Variants in BTG4 observed in about 807,000 individuals in gnomAD.
The protein encoded by BTG4 is protein BTG4.
In BTG4, 10 loss-of-function variants were observed where a neutral mutation model predicts 19.3. The ratio of observed to expected loss-of-function variants is 0.52; its 90% CI spans 0.32 to 0.88. BTG4 has a LOEUF of 0.88. BTG4 is among the 40% of genes least tolerant of loss of function. BTG4 has a pLI of 0.04. For missense variants in BTG4, 238 were observed against 281.9 expected (o/e 0.84, Z 1.11); for synonymous variants, 91 against 95.7 (o/e 0.95, Z 0.29).
the BTG4 span, among the ~76,000 whole-genome samples, chr11:111,395,843 C>G: frequency 6.6e-6 from 1 of 152,204 alleles, no homozygotes; most frequent in East Asian, 1.9e-4. Flanking sequence ...TTTGAACTTA[C>G]CCTGCAGACA....
chr11:111,452,901 C>T, the BTG4 span, among the ~76,000 whole-genome samples: 1 of 152,174 alleles, frequency 6.6e-6, no homozygotes, highest in South Asian at 2.1e-4. Context: ...ATAATGTGGT[C>T]CCTGTACTAC....
intron 4 of BTG4, 174 bp downstream of exon 4, chr11:111,497,037 A>C: frequency 1.8e-6 from 1 of 544,126 alleles, no homozygotes; most frequent in Non-Finnish European, 3.2e-6. Context: ...TAGGGAATAC[A>C]TTGTGCAGTG....
chr11:111,391,729 T>C, the BTG4 span, among the ~76,000 whole-genome samples: 1 of 152,160 alleles, frequency 6.6e-6, no homozygotes, highest in African/African-American at 2.4e-5. Context: ...TAGGGAGCCA[T>C]GGAAGGTTTT....
intron 5 of BTG4, among the ~76,000 whole-genome samples, chr11:111,476,856 C>A (rs1864427266): frequency 6.6e-6 from 1 of 152,112 alleles, no homozygotes; most frequent in Non-Finnish European, 1.5e-5. Flanking sequence ...AAGAAGAAGG[C>A]AAGTCTTAGT....
the BTG4 span, among the ~76,000 whole-genome samples, chr11:111,430,795 C>T: frequency 2.0e-5 from 3 of 152,204 alleles, no homozygotes. Flanking sequence ...CACTAAATGG[C>T]AGAATCAACA....
At chr11:111,436,207 G>A in the BTG4 span, among the ~76,000 whole-genome samples, 5 of 152,110 alleles carry the variant, frequency 3.3e-5, no homozygotes, top group Non-Finnish European at 7.3e-5. Context: ...TTTCACCCTC[G>A]ATCAGTAGCT....
At chr11:111,423,091 G>T in the BTG4 span, among the ~76,000 whole-genome samples, 4 of 152,062 alleles carry the variant, frequency 2.6e-5, no homozygotes, top group Non-Finnish European at 4.4e-5. Context: ...GACACCTCAG[G>T]TTCCTCCTGC....
the BTG4 span, among the ~76,000 whole-genome samples, chr11:111,445,577 A>C: frequency 7.2e-5 from 11 of 152,344 alleles, no homozygotes; most frequent in African/African-American, 2.6e-4. Flanking sequence ...TTCTAGGCCC[A>C]ACATATCCCC....
chr11:111,422,514 C>T, the BTG4 span, among the ~76,000 whole-genome samples: 20 of 152,316 alleles, frequency 1.3e-4, no homozygotes, highest in Non-Finnish European at 2.5e-4. Flanking sequence ...CGCCCTAATG[C>T]TCACATGGCC....
the BTG4 span, among the ~76,000 whole-genome samples, chr11:111,446,395 T>C: frequency 6.6e-6 from 1 of 152,148 alleles, no homozygotes; most frequent in African/African-American, 2.4e-5. Context: ...TCGCAAAACT[T>C]TGATACTGAA....
At chr11:111,399,339 G>A in the BTG4 span, 2 of 152,142 alleles carry the variant, frequency 1.3e-5, no homozygotes, top group South Asian at 2.1e-4. Flanking sequence ...GCTCTTCCCC[G>A]ACCTCCTGTA....
chr11:111,471,345 G>A (rs918751837), intron 5 of BTG4, among the ~76,000 whole-genome samples: 1 of 152,142 alleles, frequency 6.6e-6, no homozygotes, highest in Admixed American at 6.5e-5. Flanking sequence ...TTTATTTTGT[G>A]GGTTTGATAA....
chr11:111,477,455 A>G (rs1051623286), intron 5 of BTG4, among the ~76,000 whole-genome samples: 1 of 152,142 alleles, frequency 6.6e-6, no homozygotes, highest in Non-Finnish European at 1.5e-5. Context: ...AATATATTCA[A>G]TTGTCTTAAG....
At chr11:111,406,536 T>C in the BTG4 span, among the ~76,000 whole-genome samples, 423 of 152,340 alleles carry the variant, frequency 2.8e-3, 3 homozygotes, top group African/African-American at 9.7e-3. Flanking sequence ...ATCTTTGTCA[T>C]CATTTTTTCC....
chr11:111,455,391 G>A, the BTG4 span: 1 of 250,058 alleles, frequency 4.0e-6, no homozygotes, highest in African/African-American at 2.2e-5. Flanking sequence ...CCAGGCTGCT[G>A]AGGCAGCTGC....
the BTG4 span, chr11:111,385,623 G>T: frequency 1.8e-4 from 28 of 151,952 alleles, no homozygotes; most frequent in Non-Finnish European, 3.4e-4. Flanking sequence ...TGCAAGGATG[G>T]TTTATTCTTA....
chr11:111,472,236 A>C (rs372679224), intron 5 of BTG4, among the ~76,000 whole-genome samples: 4 of 152,056 alleles, frequency 2.6e-5, no homozygotes, highest in African/African-American at 9.7e-5. Context: ...TCTCTTACCT[A>C]CTACCCTTCC....
At chr11:111,425,338 C>G in the BTG4 span, among the ~76,000 whole-genome samples, 2 of 152,068 alleles carry the variant, frequency 1.3e-5, no homozygotes, top group Non-Finnish European at 2.9e-5. Context: ...TGGAGATAAA[C>G]ACATACACAA....
chr11:111,509,696 CA>C (rs1321212582), intron 1 of BTG4, among the ~76,000 whole-genome samples: 3 of 145,420 alleles, frequency 2.1e-5, no homozygotes, highest in Non-Finnish European at 4.5e-5. Context: ...AACTCCATCT[CA>C]AAAAAAAACA....
Sources: allele counts gnomAD v4.1 joint callset (sites outside exome capture counted in the v4.1 genomes callset), GRCh38; gene constraint gnomAD v4.1.1; transcripts MANE v1.5; gene names NCBI Gene and HGNC (gene_info 2026-07-23, HGNC 2026-07-21).